ME1: variants seen among roughly 807,000 people sequenced by gnomAD.
The protein encoded by ME1 is malic enzyme 1.
Under a neutral mutation model 66.4 loss-of-function variants are expected in ME1, and 74 were observed. The observed-to-expected ratio is 1.11, with a 90% CI of 0.92 to 1.35. ME1 has a LOEUF of 1.35. Ranked by LOEUF, ME1 falls within the 40% of genes most tolerant of loss-of-function variation. The pLI, the probability that ME1 is intolerant of heterozygous loss-of-function variation, is 0.00. For missense variants in ME1, 750 were observed against 694.1 expected (o/e 1.08, Z -0.90); for synonymous variants, 251 against 235.6 (o/e 1.07, Z -0.60).
chr6:83,382,795 C>T (rs976065), intron 3 of ME1, among the ~76,000 whole-genome samples: 48,090 of 151,704 alleles, frequency 0.32, 8,157 homozygotes, highest in Middle Eastern at 0.5. Context: ...GATAAGAAGA[C>T]TCAAGATTGG....
At chr6:83,262,251 A>G (rs1766913574) in intron 6 of ME1, among the ~76,000 whole-genome samples, 1 of 152,142 alleles carries the variant, frequency 6.6e-6, no homozygotes, top group Non-Finnish European at 1.5e-5. Context: ...CAGCATGGGT[A>G]CAGGCTCAAA....
chr6:83,262,144 T>C (rs13202010), intron 6 of ME1, among the ~76,000 whole-genome samples: 17,126 of 152,146 alleles, frequency 0.11, 1,080 homozygotes, highest in African/African-American at 0.16. Context: ...AGCAAGACTT[T>C]CTAATTATGT....
chr6:83,379,575 A>G (rs1769356802), intron 3 of ME1, among the ~76,000 whole-genome samples: 1 of 152,034 alleles, frequency 6.6e-6, no homozygotes, highest in Non-Finnish European at 1.5e-5. Context: ...TGTCTTAGAA[A>G]TATCTTCATT....
chr6:83,315,070 C>G (rs11964771), intron 6 of ME1, among the ~76,000 whole-genome samples: 1 of 151,816 alleles, frequency 6.6e-6, no homozygotes, highest in African/African-American at 2.4e-5. Context: ...GCCACAGGTT[C>G]TAAAGGTTCT....
intron 9 of ME1, among the ~76,000 whole-genome samples, chr6:83,230,452 T>G (rs1023989035): frequency 3.3e-5 from 5 of 152,158 alleles, no homozygotes; most frequent in Admixed American, 2.6e-4. Flanking sequence ...ATAAGGATAA[T>G]AAGGACTTCT....
At chr6:83,326,355 C>A (rs1768290962) in intron 5 of ME1, among the ~76,000 whole-genome samples, 1 of 152,068 alleles carries the variant, frequency 6.6e-6, no homozygotes, top group South Asian at 2.1e-4. Context: ...ACTAAAACAC[C>A]AAAAGCAATG....
Position 83,246,836 on chromosome 6 carries a change from G to C in ME1, c.814+6793C>G, listed in dbSNP as rs73487305. On this transcript the variant is annotated intron_variant, in intron 7 of 13. Transcript: ENST00000369705. Reference sequence around the variant, plus strand: ...CTATACTTCTACCATCAATGGATGCGAGTGCTCATTTTCTAAAAGCATCAT... The same window carrying C: ...CTATACTTCTACCATCAATGGATGCCAGTGCTCATTTTCTAAAAGCATCAT... Among the ~76,000 whole-genome samples the C allele has an allele frequency of 7.6e-4, 116 of 152,150 alleles. 1 individual carries two copies. Among genetic ancestry groups the C allele is most frequent in the African/African-American group, 2.4e-3 (98 of 41,540 alleles).
intron 3 of ME1, among the ~76,000 whole-genome samples, chr6:83,393,608 C>CA (rs11394593): frequency 0.42 from 45,973 of 109,254 alleles, 7,654 homozygotes; most frequent in Middle Eastern, 0.58. Flanking sequence ...CTGTGCTTGC[C>CA]AAAAAAAAAA....
intron 10 of ME1, 111 bp from the exon 11 acceptor site, chr6:83,227,588 A>C: frequency 1.1e-6 from 1 of 884,706 alleles, no homozygotes; most frequent in Non-Finnish European, 1.6e-6. Context: ...ATAGACCCTA[A>C]ACAAAATGCT....
At chr6:83,220,571 T>C (rs1289998754) in intron 12 of ME1, among the ~76,000 whole-genome samples, 2 of 152,218 alleles carry the variant, frequency 1.3e-5, no homozygotes, top group African/African-American at 4.8e-5. Context: ...TTGACAATAA[T>C]CCTAACAGTT....
At chr6:83,362,359 A>C (rs1266447307) in intron 3 of ME1, among the ~76,000 whole-genome samples, 2 of 152,210 alleles carry the variant, frequency 1.3e-5, no homozygotes, top group African/African-American at 4.8e-5. Flanking sequence ...GTGAGTGCTC[A>C]CTAATGGGTG....
At position 83,289,336 on chromosome 6, in the gene ME1, T is replaced by G. The variant is rs952732765; in HGVS notation, c.704+25974A>C. 2.0e-4 allele frequency among the ~76,000 whole-genome samples: 30 copies of G among 152,328 alleles called. 1 individual carries two copies. The highest frequency in any genetic ancestry group is 1.0e-3 in the Admixed American group (16 of 15,300). On this transcript the variant is annotated intron_variant, in intron 6 of 13. Coordinates refer to ENST00000369705, the MANE Select transcript of ME1 (RefSeq NM_002395.6). ...TGAGATATGTTCCATCAATATCTAG[T>G]TTATTGAGAGTTTTTAGCATGAAAG...
intron 6 of ME1, among the ~76,000 whole-genome samples, chr6:83,305,632 A>ATCTC (rs1305948967): frequency 6.6e-6 from 1 of 152,138 alleles, no homozygotes; most frequent in Non-Finnish European, 1.5e-5. Context: ...TGAGCACATC[A>ATCTC]TAGAGGTCAG....
chr6:83,364,673 T>C (rs1428131025), intron 3 of ME1, among the ~76,000 whole-genome samples: 3 of 152,288 alleles, frequency 2.0e-5, no homozygotes, highest in East Asian at 1.9e-4. Flanking sequence ...TAGGTACATA[T>C]ACACTTCATG....
At chr6:83,394,274 T>A (rs1407018041) in intron 3 of ME1, among the ~76,000 whole-genome samples, 2 of 152,072 alleles carry the variant, frequency 1.3e-5, no homozygotes, top group African/African-American at 2.4e-5. Context: ...TAAGACCTAT[T>A]GTATATTTCA....
chr6:83,393,525 G>T, intron 3 of ME1: 1 of 300,242 alleles, frequency 3.3e-6, no homozygotes, highest in Non-Finnish European at 6.0e-6. Flanking sequence ...CCTCCTCATA[G>T]TTTCCATGCA....
At chr6:83,301,247 C>CTCTTTCTT (rs70987747) in intron 6 of ME1, among the ~76,000 whole-genome samples, 12 of 150,476 alleles carry the variant, frequency 8.0e-5, no homozygotes, top group Admixed American at 2.0e-4. Flanking sequence ...TGCTTCCTTT[C>CTCTTTCTT]TCTTTCTTTC....
intron 6 of ME1, among the ~76,000 whole-genome samples, chr6:83,283,389 GGGAGGGTAACATCACACACCA>G (rs1767342028): frequency 6.6e-6 from 1 of 151,780 alleles, no homozygotes; most frequent in Admixed American, 6.6e-5. Context: ...CATGGACACA[GGGAGGGTAACATCACACACCA>G]GGACCTCTCA....
At chr6:83,428,937 A>C (rs1562012030) in intron 1 of ME1, among the ~76,000 whole-genome samples, 1 of 152,140 alleles carries the variant, frequency 6.6e-6, no homozygotes, top group Non-Finnish European at 1.5e-5. Flanking sequence ...ATTCCTAGTA[A>C]CCTTGTGAAC....
Sources: allele counts gnomAD v4.1 joint callset (sites outside exome capture counted in the v4.1 genomes callset), GRCh38; gene constraint gnomAD v4.1.1; transcripts MANE v1.5; gene names NCBI Gene and HGNC (gene_info 2026-07-23, HGNC 2026-07-21).